SEC61A2: variants seen among roughly 807,000 people sequenced by gnomAD.
SEC61A2 encodes protein transport protein Sec61 subunit alpha isoform 2.
SEC61A2 carries 28 observed loss-of-function variants against 59.9 expected under a neutral mutation model. That is an observed-to-expected ratio of 0.47 (90% CI 0.35 to 0.64). The LOEUF (loss-of-function observed/expected upper bound fraction) is 0.64. SEC61A2 is among the 30% of genes least tolerant of loss of function. The pLI, the probability that SEC61A2 is intolerant of heterozygous loss-of-function variation, is 0.01. For missense variants in SEC61A2, 340 were observed against 585.9 expected (o/e 0.58, Z 4.33); for synonymous variants, 202 against 214.4 (o/e 0.94, Z 0.50).
At chr10:12,133,422 G>A (rs1833810491) in intron 2 of SEC61A2, 114 bp downstream of exon 2, 1 of 530,876 alleles carries the variant, frequency 1.9e-6, no homozygotes, top group African/African-American at 1.9e-5. Flanking sequence ...AAAACTATTG[G>A]TGTTCATCCT....
At position 12,149,088 on chromosome 10, in the gene SEC61A2, T is replaced by G. The variant is rs1276138950; in HGVS notation, c.221-507T>G. Among the ~76,000 whole-genome samples, 5 of 151,264 alleles carry G rather than the reference T, an allele frequency of 3.3e-5. No homozygotes were observed. The highest frequency in any genetic ancestry group is 7.4e-5 in the Non-Finnish European group (5 of 67,770). ...TTTTCTTATTTCTCCCTATAAATTC[T>G]TTTTTTTTGGTTTGTTTTTGAGATG... On this transcript the variant is annotated intron_variant, in intron 4 of 11. Coordinates refer to ENST00000298428, the MANE Select transcript of SEC61A2 (RefSeq NM_018144.4). The surrounding 1 kb of genome is among the most constrained non-coding windows in gnomAD (Gnocchi z 5.2).
At position 12,164,775 on chromosome 10, in the gene SEC61A2, A is replaced by G. The variant is rs1834625512; in HGVS notation, c.*321A>G. Reference sequence around the variant, plus strand: ...GGATTCGTTTTGCACACAACATTCAAAACACTTCATATTGCCCCCACTTGT... The same window carrying G: ...GGATTCGTTTTGCACACAACATTCAGAACACTTCATATTGCCCCCACTTGT... On this transcript the variant is annotated 3_prime_UTR_variant, in exon 12 of 12. Coordinates refer to ENST00000298428, the MANE Select transcript of SEC61A2 (RefSeq NM_018144.4). The surrounding 1 kb of genome is among the most constrained non-coding windows in gnomAD (Gnocchi z 7.3). 8 of 1,083,164 alleles carry G rather than the reference A, an allele frequency of 7.4e-6. No individual in the cohort carries two copies. The highest frequency in any genetic ancestry group is 9.0e-6 in the Non-Finnish European group (8 of 893,344). 67.1% of individuals were successfully genotyped at this position (1,083,164 alleles called of 1,614,324 possible).
At chr10:12,157,191 T>C in intron 8 of SEC61A2, 124 bp downstream of exon 8, 1 of 954,110 alleles carries the variant, frequency 1.0e-6, no homozygotes, top group Non-Finnish European at 1.6e-6. Flanking sequence ...AATAAAATTT[T>C]GCAATTAGAG....
rs951918416 is a variant in SEC61A2 at position 12,145,677 on chromosome 10, C to T, written c.220+2482C>T. 6.6e-6 allele frequency among the ~76,000 whole-genome samples: 1 copy of T among 152,050 alleles called. No homozygotes were observed. On this transcript the variant is annotated intron_variant, in intron 4 of 11. Coordinates refer to ENST00000298428, the MANE Select transcript of SEC61A2 (RefSeq NM_018144.4). The surrounding 1 kb of genome is among the most constrained non-coding windows in gnomAD (Gnocchi z 4.4). ...TAGGAAACTAGATGCTTTCGTAGTCCGTAGATGTGATGATTGGATCTTCAC... is the reference window on the plus strand; with the variant it reads ...TAGGAAACTAGATGCTTTCGTAGTCTGTAGATGTGATGATTGGATCTTCAC...
rs146552701 is a variant in SEC61A2 at position 12,132,077 on chromosome 10, C to T, written c.8-1164C>T. On this transcript the variant is annotated intron_variant, in intron 1 of 11. Transcript: ENST00000298428. ...CAGCACTTTGGGAGGCCGAGACGGG[C>T]GGATCACGAGGTCAGGAGTTCGAGA... Among the ~76,000 whole-genome samples the T allele has an allele frequency of 4.0e-3, 585 of 146,082 alleles. 5 individuals are homozygous for T. Among genetic ancestry groups the T allele is most frequent in the African/African-American group, 0.014 (559 of 39,604 alleles).
Position 12,157,086 on chromosome 10 carries a change from C to G in SEC61A2, c.777+19C>G. The G allele has an allele frequency of 6.2e-7, 1 of 1,606,066 alleles. No homozygotes were observed. The highest frequency in any genetic ancestry group is 8.5e-7 in the Non-Finnish European group (1 of 1,175,606). On this transcript the variant is annotated intron_variant, in intron 8 of 11. Coordinates refer to ENST00000298428, the MANE Select transcript of SEC61A2 (RefSeq NM_018144.4). ...TTTCCAAGTAAGTATAACCTTTTCA[C>G]CAAAGTAAGTGGGATGTAGATTTTT...
Position 12,162,444 on chromosome 10 carries a change from A to G in SEC61A2, c.1244+155A>G, listed in dbSNP as rs748094859. ...CACACAAAACTTGTTTTCCATGTCA[A>G]AACCAACACCTGAATTTTTCATTGA... On this transcript the variant is annotated intron_variant, in intron 11 of 11. Coordinates refer to ENST00000298428, the MANE Select transcript of SEC61A2 (RefSeq NM_018144.4). This position sits in a 1 kb window ranked among gnomAD's most constrained non-coding sequence, Gnocchi z 6.1. 3.8e-6 allele frequency: 3 copies of G among 785,366 alleles called. No homozygotes were observed. The allele number at this position is 785,366 out of a possible 1,614,324, so 48.6% of individuals were successfully genotyped here. A position where few individuals can be genotyped will look rare whatever the true frequency, so the allele number is the denominator to read the frequency against.
intron 3 of SEC61A2, among the ~76,000 whole-genome samples, chr10:12,140,563 T>C (rs1272206187): frequency 6.6e-6 from 1 of 152,180 alleles, no homozygotes; most frequent in Non-Finnish European, 1.5e-5. Flanking sequence ...CCATGGCGGA[T>C]TAAGGAAGGT....
At chr10:12,137,395 C>T (rs1039716423) in intron 3 of SEC61A2, among the ~76,000 whole-genome samples, 1 of 152,026 alleles carries the variant, frequency 6.6e-6, no homozygotes, top group Non-Finnish European at 1.5e-5. Flanking sequence ...CCTTGACTTC[C>T]CCAAGCCCGG....
intron 1 of SEC61A2, 61 bp from the exon 2 acceptor site, chr10:12,133,180 A>T (rs988785294): frequency 1.5e-5 from 13 of 847,632 alleles, no homozygotes; most frequent in Non-Finnish European, 2.3e-5. Flanking sequence ...GATTTTCTAG[A>T]AAGACAGATC....
In SEC61A2 at chr10:12,155,717, T is replaced by A; in HGVS notation, c.463-61T>A. 2.5e-6 allele frequency: 4 copies of A among 1,594,292 alleles called. No individual in the cohort carries two copies. The highest frequency in any genetic ancestry group is 3.4e-6 in the Non-Finnish European group (4 of 1,163,028). On this transcript the variant is annotated intron_variant, in intron 6 of 11. Coordinates refer to ENST00000298428, the MANE Select transcript of SEC61A2 (RefSeq NM_018144.4). This position sits in a 1 kb window ranked among gnomAD's most constrained non-coding sequence, Gnocchi z 4.3. ...CTAGCTTGGAAATAGCCAATGGTGT[T>A]CCTCTCCCCCTTTCTTGAGTTTGTT...
In SEC61A2 at chr10:12,165,248, G is replaced by C; in HGVS notation, c.*794G>C. 1.0e-6 allele frequency: 1 copy of C among 985,428 alleles called. No homozygotes were observed. The highest frequency in any genetic ancestry group is 1.7e-5 in the African/African-American group (1 of 57,350). 61.0% of individuals were successfully genotyped at this position (985,428 alleles called of 1,614,324 possible). ...AAGATCTAATTCTCAAGCAATGTCT[G>C]TAGTTCAGTGGGGGTGAACAATGAA... is the stretch of plus-strand genomic sequence containing the variant. On this transcript the variant is annotated 3_prime_UTR_variant, in exon 12 of 12. Coordinates refer to ENST00000298428, the MANE Select transcript of SEC61A2 (RefSeq NM_018144.4).
intron 3 of SEC61A2, among the ~76,000 whole-genome samples, chr10:12,139,279 G>A (rs907367790): frequency 3.3e-5 from 5 of 151,680 alleles, no homozygotes; most frequent in Admixed American, 6.6e-5. Flanking sequence ...GCCCCATTTT[G>A]TATTTCCACC....
At chr10:12,131,161 A>G (rs1271409605) in intron 1 of SEC61A2, among the ~76,000 whole-genome samples, 1 of 152,238 alleles carries the variant, frequency 6.6e-6, no homozygotes, top group Non-Finnish European at 1.5e-5. Flanking sequence ...CGATAGAGCG[A>G]AACTCCGTCT....
downstream of SEC61A2, among the ~76,000 whole-genome samples, chr10:12,168,423 C>T (rs774542733): frequency 6.6e-6 from 1 of 152,158 alleles, no homozygotes; most frequent in Admixed American, 6.5e-5. This position sits in a 1 kb window ranked among gnomAD's most constrained non-coding sequence, Gnocchi z 4.8. Context: ...TTTCTGAAAC[C>T]AGATGGTGAT....
chr10:12,142,425 T>C lies in SEC61A2; in HGVS notation c.142-692T>C. On this transcript the variant is annotated intron_variant, in intron 3 of 11. Coordinates refer to ENST00000298428, the MANE Select transcript of SEC61A2 (RefSeq NM_018144.4). This position sits in a 1 kb window ranked among gnomAD's most constrained non-coding sequence, Gnocchi z 5.4. ...TATGACATAAGTACTTCTTCCATGT[T>C]ATTACAGATTGAGTAAGCATAATTT... 4.1e-6 allele frequency: 2 copies of C among 486,722 alleles called. No homozygotes were observed. The highest frequency in any genetic ancestry group is 2.7e-6 in the Non-Finnish European group (1 of 374,350). The allele number at this position is 486,722 out of a possible 1,614,324, so 30.2% of individuals were successfully genotyped here.
At chr10:12,134,362 G>T (rs1440397817) in intron 2 of SEC61A2, among the ~76,000 whole-genome samples, 1 of 152,120 alleles carries the variant, frequency 6.6e-6, no homozygotes, top group Non-Finnish European at 1.5e-5. Context: ...AACATTTAAG[G>T]CATCCTGAGA....
At chr10:12,157,369 C>T (rs897571400) in intron 8 of SEC61A2, among the ~76,000 whole-genome samples, 4 of 151,848 alleles carry the variant, frequency 2.6e-5, no homozygotes, top group African/African-American at 9.7e-5. Flanking sequence ...GAGTTTTGCT[C>T]TTGTTGCCCA....
In SEC61A2 at chr10:12,129,910, C is replaced by T; in HGVS notation, c.7+116C>T. 1 of 973,382 alleles carries T rather than the reference C, an allele frequency of 1.0e-6. No homozygotes were observed. The highest frequency in any genetic ancestry group is 1.4e-6 in the Non-Finnish European group (1 of 734,160). The allele number at this position is 973,382 out of a possible 1,614,324, so 60.3% of individuals were successfully genotyped here. ...GTGGGGGCCAGGGATGCGCGGGCCG[C>T]TCCGGGCCTCAGCGGAGGGCACGGG... On this transcript the variant is annotated intron_variant, in intron 1 of 11. Transcript: ENST00000298428. This position sits in a 1 kb window ranked among gnomAD's most constrained non-coding sequence, Gnocchi z 5.6.
Sources: gnomAD v4.1 joint callset for allele counts (sites outside exome capture counted in the v4.1 genomes callset) on GRCh38, gnomAD v4.1.1 for gene constraint, Gnocchi (gnomAD v3.1) non-coding constraint, MANE v1.5 for transcripts, NCBI Gene and HGNC (gene_info 2026-07-23, HGNC 2026-07-21) for gene names.